The following HLCS variants were observed in gnomAD, a reference collection of about 807,000 sequenced individuals.
HLCS encodes holocarboxylase synthetase.
Under a neutral mutation model 75.0 loss-of-function variants are expected in HLCS, and 53 were observed. The ratio of observed to expected loss-of-function variants is 0.71; its 90% CI spans 0.57 to 0.89. The LOEUF is 0.89. Among genes scored for constraint, HLCS ranks in the 40% least tolerant of loss-of-function variants. The pLI is 0.00. For missense variants in HLCS, 966 were observed against 1,074.0 expected (o/e 0.90, Z 1.41); for synonymous variants, 431 against 428.6 (o/e 1.01, Z -0.07).
intron 2 of HLCS, among the ~76,000 whole-genome samples, chr21:36,956,948 G>A (rs985498948): frequency 2.6e-5 from 4 of 151,606 alleles, no homozygotes; most frequent in African/African-American, 7.3e-5. Context: ...AGCTACTTGG[G>A]AGGCTGAGGC....
chr21:36,954,230 C>T (rs1461317960), intron 2 of HLCS, among the ~76,000 whole-genome samples: 3 of 150,522 alleles, frequency 2.0e-5, no homozygotes, highest in African/African-American at 4.9e-5. Context: ...CACTTGAACC[C>T]GGGAGGCAGA....
chr21:36,919,531 A>G (rs536685080), intron 5 of HLCS, among the ~76,000 whole-genome samples: 1 of 152,360 alleles, frequency 6.6e-6, no homozygotes, highest in African/African-American at 2.4e-5. Flanking sequence ...AGAAACAGAT[A>G]AGACGGTTTC....
chr21:36,946,107 A>T, intron 2 of HLCS: 2 of 985,328 alleles, frequency 2.0e-6, no homozygotes, highest in Non-Finnish European at 2.4e-6. Flanking sequence ...CTTTAGAGCA[A>T]GTAACCTCAT....
rs190777127 is a variant in HLCS at position 36,845,257 on chromosome 21, G to A, written c.1892+51603C>T. On this transcript the variant is annotated intron_variant, in intron 6 of 10. Transcript: ENST00000674895. The stretch of plus-strand genomic sequence containing the variant: ...CCGGCCACTCGGCCCCGATCAAAGC[G>A]GGTTCCATATTACCAGGGAGGTGAG... Among the ~76,000 whole-genome samples, 37 of 152,204 alleles carry A rather than the reference G, an allele frequency of 2.4e-4. 1 individual carries two copies. The highest frequency in any genetic ancestry group is 1.4e-3 in the Admixed American group (21 of 15,284).
chr21:36,939,942 G>A (rs1408224512), intron 2 of HLCS, among the ~76,000 whole-genome samples: 6 of 152,140 alleles, frequency 3.9e-5, no homozygotes, highest in African/African-American at 1.4e-4. Flanking sequence ...CCAGCTACTC[G>A]GGGGGCTGAG....
chr21:36,966,277 C>T (rs1474362505), intron 1 of HLCS, among the ~76,000 whole-genome samples, 167 bp downstream of exon 1: 1 of 152,152 alleles, frequency 6.6e-6, no homozygotes, highest in Non-Finnish European at 1.5e-5. Flanking sequence ...CACCTCCGGC[C>T]TCTCTCTGGG....
At chr21:36,949,387 CAT>C (rs1443286772) in intron 2 of HLCS, among the ~76,000 whole-genome samples, 2 of 152,248 alleles carry the variant, frequency 1.3e-5, no homozygotes, top group East Asian at 3.8e-4. Flanking sequence ...CGAAGAGCCA[CAT>C]GTCCTTCTAC....
At chr21:36,885,414 G>A (rs936296678) in intron 6 of HLCS, among the ~76,000 whole-genome samples, 6 of 151,858 alleles carry the variant, frequency 4.0e-5, no homozygotes, top group Non-Finnish European at 8.8e-5. Flanking sequence ...ACGCTGAGGT[G>A]GGAGGATCAC....
chr21:36,875,675 A>G (rs1025982419), intron 6 of HLCS, among the ~76,000 whole-genome samples: 6 of 152,330 alleles, frequency 3.9e-5, no homozygotes, highest in Middle Eastern at 3.4e-3. Flanking sequence ...CTGCCACTCA[A>G]TGAAGCTTCT....
chr21:36,784,163 A>G (rs1219869116), intron 6 of HLCS, among the ~76,000 whole-genome samples: 1 of 152,126 alleles, frequency 6.6e-6, no homozygotes, highest in Non-Finnish European at 1.5e-5. Flanking sequence ...TTTACTGCTG[A>G]TAAGTGGAAG....
At chr21:36,932,430 C>G (rs1181753425) in intron 4 of HLCS, among the ~76,000 whole-genome samples, 1 of 152,152 alleles carries the variant, frequency 6.6e-6, no homozygotes, top group South Asian at 2.1e-4. Flanking sequence ...ACCAGAAAGG[C>G]CTTTCCTCCC....
At chr21:36,855,302 G>A (rs982525593) in intron 6 of HLCS, among the ~76,000 whole-genome samples, 7 of 151,930 alleles carry the variant, frequency 4.6e-5, no homozygotes, top group African/African-American at 7.3e-5. Context: ...AGGCCAAAGC[G>A]GGTGGATTGC....
chr21:36,885,740 A>G (rs2064423822), intron 6 of HLCS, among the ~76,000 whole-genome samples: 1 of 152,190 alleles, frequency 6.6e-6, no homozygotes, highest in South Asian at 2.1e-4. Flanking sequence ...ACCCTGAAGG[A>G]GGGCCCCACA....
chr21:36,855,304 G>C (rs923941382), intron 6 of HLCS, among the ~76,000 whole-genome samples: 6 of 152,040 alleles, frequency 3.9e-5, no homozygotes, highest in Non-Finnish European at 7.4e-5. Flanking sequence ...GCCAAAGCGG[G>C]TGGATTGCCT....
chr21:36,929,254 G>A (rs540111581), intron 5 of HLCS, among the ~76,000 whole-genome samples: 38 of 152,308 alleles, frequency 2.5e-4, no homozygotes, highest in East Asian at 1.9e-4. Flanking sequence ...CCTCACTCCC[G>A]GACTTCCCCA....
At chr21:36,830,815 C>A (rs1399718775) in intron 6 of HLCS, among the ~76,000 whole-genome samples, 1 of 122,774 alleles carries the variant, frequency 8.1e-6, no homozygotes, top group South Asian at 3.2e-4. Flanking sequence ...GAGTGAGACC[C>A]TCTCTCAAAA....
At chr21:36,760,276 G>A (rs2089780427) in intron 8 of HLCS, among the ~76,000 whole-genome samples, 1 of 152,118 alleles carries the variant, frequency 6.6e-6, no homozygotes, top group African/African-American at 2.4e-5. Flanking sequence ...AGATGGCCCT[G>A]AATTAACCAA....
chr21:36,797,004 C>T (rs2061045489), intron 6 of HLCS, among the ~76,000 whole-genome samples: 1 of 151,966 alleles, frequency 6.6e-6, no homozygotes, highest in South Asian at 2.1e-4. Flanking sequence ...GTAGCTGGGA[C>T]TATAGGTGCA....
chr21:36,822,624 T>C (rs1601401253), intron 6 of HLCS, among the ~76,000 whole-genome samples: 1 of 152,250 alleles, frequency 6.6e-6, no homozygotes, highest in Non-Finnish European at 1.5e-5. Flanking sequence ...CACCAGCACA[T>C]ATACATATGC....
Sources: allele counts gnomAD v4.1 joint callset (sites outside exome capture counted in the v4.1 genomes callset), GRCh38; gene constraint gnomAD v4.1.1; transcripts MANE v1.5; gene names NCBI Gene and HGNC (gene_info 2026-07-23, HGNC 2026-07-21).